The following ALG5 variants were observed in gnomAD, a reference collection of about 807,000 sequenced individuals.
ALG5 encodes the protein dolichyl-phosphate beta-glucosyltransferase.
Under a neutral mutation model 51.8 loss-of-function variants are expected in ALG5, and 26 were observed. That is an observed-to-expected ratio of 0.50 (90% CI 0.37 to 0.70). ALG5 has a LOEUF of 0.70. Among genes scored for constraint, ALG5 ranks in the 30% least tolerant of loss-of-function variants. The pLI is 0.00. For synonymous variants in ALG5, 141 were observed against 136.1 expected (o/e 1.04, Z -0.25); for missense variants, 311 against 399.3 (o/e 0.78, Z 1.88).
intron 4 of ALG5, among the ~76,000 whole-genome samples, chr13:36,990,426 T>C (rs975896841): frequency 1.3e-5 from 2 of 152,202 alleles, no homozygotes; most frequent in African/African-American, 4.8e-5. Flanking sequence ...TTCCCAAGTT[T>C]TCACCAATAA....
intron 8 of ALG5, among the ~76,000 whole-genome samples, chr13:36,954,112 G>A (rs1316334658): frequency 6.6e-6 from 1 of 151,834 alleles, no homozygotes; most frequent in Non-Finnish European, 1.5e-5. Flanking sequence ...TTTTAAACAG[G>A]GTCTTACTCT....
At chr13:36,978,184 C>A (rs942168083) in intron 6 of ALG5, among the ~76,000 whole-genome samples, 2 of 142,200 alleles carry the variant, frequency 1.4e-5, no homozygotes, top group Non-Finnish European at 3.1e-5. Context: ...CTGCGCCCCA[C>A]CTTTGTTTTT....
intron 6 of ALG5, among the ~76,000 whole-genome samples, chr13:36,972,720 T>C (rs557791130): frequency 9.2e-4 from 140 of 152,176 alleles, no homozygotes; most frequent in East Asian, 2.7e-3. Context: ...TGGCCGGGCG[T>C]GGTGGCTCAC....
chr13:36,994,885 G>T (rs2059041956), intron 3 of ALG5, 104 bp downstream of exon 3: 4 of 956,300 alleles, frequency 4.2e-6, no homozygotes, highest in Non-Finnish European at 6.5e-6. Context: ...CGATCGGGGT[G>T]CTGCCAGGAC....
intron 8 of ALG5, among the ~76,000 whole-genome samples, chr13:36,964,026 A>G (rs2058880490): frequency 6.6e-6 from 1 of 152,216 alleles, no homozygotes; most frequent in South Asian, 2.1e-4. Flanking sequence ...TTAATCGAGA[A>G]AAAGAAACAT....
At chr13:36,989,837 C>T (rs2059017855) in intron 4 of ALG5, among the ~76,000 whole-genome samples, 1 of 152,126 alleles carries the variant, frequency 6.6e-6, no homozygotes, top group African/African-American at 2.4e-5. Context: ...GACTCCTCTA[C>T]CTAAGCTACT....
intron 5 of ALG5, 103 bp downstream of exon 5, chr13:36,989,381 T>C: frequency 3.8e-6 from 3 of 786,664 alleles, no homozygotes; most frequent in Non-Finnish European, 6.2e-6. Context: ...ATCACTAACT[T>C]GAAATGCTGG....
Position 36,995,584 on chromosome 13 carries a change from C to T in ALG5, c.79G>A (p.Ala27Thr). 6.3e-7 allele frequency: 1 copy of T among 1,598,538 alleles called. No homozygotes were observed. Residue 27 changes from alanine to threonine, a missense_variant, in exon 2 of 10, where the codon GCA becomes ACA. Coordinates refer to ENST00000239891, the MANE Select transcript of ALG5 (RefSeq NM_013338.5). ...AAALVLISIVAFTTATKMPAL... is the reference protein window; with the variant it reads ...AAALVLISIVTFTTATKMPAL... Reference sequence around the variant, plus strand: ...GGCATTTTTGTAGCAGTTGTAAATGCAACGATGGAAATCTAAAAGCAGACA... The same window carrying T: ...GGCATTTTTGTAGCAGTTGTAAATGTAACGATGGAAATCTAAAAGCAGACA...
Position 36,995,149 on chromosome 13 carries a change from T to C in ALG5, c.239-114A>G, listed in dbSNP as rs1170051569. On this transcript the variant is annotated intron_variant, in intron 2 of 9. Transcript: ENST00000239891. Reference sequence around the variant, plus strand: ...TAATCTAACAAGCCCCTCTGGTACTTTCCCAATGGTCATTCCCATCTGAAA... The same window carrying C: ...TAATCTAACAAGCCCCTCTGGTACTCTCCCAATGGTCATTCCCATCTGAAA... The C allele has an allele frequency of 9.9e-6, 9 of 907,870 alleles. No homozygotes were observed. In the Admixed American group the frequency reaches 2.1e-4, roughly 21 times the overall value. 56.2% of individuals were successfully genotyped at this position (907,870 alleles called of 1,614,324 possible). A position where few individuals can be genotyped will look rare whatever the true frequency, so the allele number is the denominator to read the frequency against.
At chr13:36,995,314 A>G in intron 2 of ALG5, 111 bp downstream of exon 2, 2 of 1,149,980 alleles carry the variant, frequency 1.7e-6, no homozygotes, top group South Asian at 3.1e-5. Context: ...CTGTGTGCTC[A>G]ACACAGCCCA....
At chr13:36,955,672 T>A (rs2058836216) in intron 8 of ALG5, among the ~76,000 whole-genome samples, 1 of 56,930 alleles carries the variant, frequency 1.8e-5, no homozygotes, top group South Asian at 4.5e-4. Context: ...GCAGAGAAAA[T>A]GAACAGAGAT....
intron 8 of ALG5, among the ~76,000 whole-genome samples, chr13:36,964,919 C>A (rs1229190951): frequency 1.5e-3 from 208 of 136,664 alleles, no homozygotes; most frequent in East Asian, 2.1e-3. Context: ...GAGCGAAACT[C>A]AAAAAAAAAA....
intron 6 of ALG5, among the ~76,000 whole-genome samples, chr13:36,980,481 C>A (rs755594683): frequency 6.6e-6 from 1 of 152,012 alleles, no homozygotes; most frequent in Non-Finnish European, 1.5e-5. Context: ...CCCACCATGG[C>A]CTCTCAAAGC....
intron 4 of ALG5, among the ~76,000 whole-genome samples, chr13:36,991,843 T>C (rs568246479): frequency 1.3e-5 from 2 of 152,312 alleles, no homozygotes; most frequent in East Asian, 1.9e-4. Context: ...CACTGTAACC[T>C]TGAACTCTTG....
In ALG5 at chr13:36,959,163, A is replaced by G. The variant is rs80186606; in HGVS notation, c.773+6412T>C. ...TTTTATGTGGAATCTAAAACCATCA[A>G]ACACATAGAGGCAGAGAGTAGAATG... On this transcript the variant is annotated intron_variant, in intron 8 of 9. Coordinates refer to ENST00000239891, the MANE Select transcript of ALG5 (RefSeq NM_013338.5). Among the ~76,000 whole-genome samples the G allele has an allele frequency of 1.3e-3, 199 of 152,198 alleles. 5 individuals carry two copies. In the East Asian group the frequency reaches 0.037, roughly 28 times the overall value.
chr13:36,995,794 T>C (rs1358163209), intron 1 of ALG5, among the ~76,000 whole-genome samples, 198 bp from the exon 2 acceptor site: 2 of 152,194 alleles, frequency 1.3e-5, no homozygotes, highest in African/African-American at 2.4e-5. Context: ...ATTACTGTCC[T>C]TTTTTCCATC....
intron 6 of ALG5, among the ~76,000 whole-genome samples, chr13:36,972,845 A>G (rs898336282): frequency 9.9e-5 from 15 of 151,958 alleles, no homozygotes; most frequent in African/African-American, 3.6e-4. Context: ...TCACAAAATT[A>G]GCTGGGCGTG....
At chr13:36,964,379 T>G (rs888084866) in intron 8 of ALG5, among the ~76,000 whole-genome samples, 4 of 152,152 alleles carry the variant, frequency 2.6e-5, no homozygotes, top group Non-Finnish European at 4.4e-5. Context: ...GATGGTGTTC[T>G]GGATGGCGGT....
chr13:36,986,922 C>G (rs1405537361), intron 5 of ALG5, among the ~76,000 whole-genome samples: 2 of 152,178 alleles, frequency 1.3e-5, no homozygotes, highest in African/African-American at 4.8e-5. Flanking sequence ...TTGTTTAAGC[C>G]TACTTTCCTG....
Sources: gnomAD v4.1 joint callset for allele counts (sites outside exome capture counted in the v4.1 genomes callset) on GRCh38, gnomAD v4.1.1 for gene constraint, MANE v1.5 for transcripts, NCBI Gene and HGNC (gene_info 2026-07-23, HGNC 2026-07-21) for gene names.